The following TDRD9 variants were observed in gnomAD, a reference collection of about 807,000 sequenced individuals.
TDRD9 encodes the protein ATP-dependent RNA helicase TDRD9.
A neutral mutation model predicts 172.6 loss-of-function variants in TDRD9; 124 were observed. That is an observed-to-expected ratio of 0.72 (90% CI 0.62 to 0.83). TDRD9 has a LOEUF of 0.83. TDRD9 is among the 40% of genes least tolerant of loss of function. The pLI, the probability that TDRD9 is intolerant of heterozygous loss-of-function variation, is 0.00. For missense variants in TDRD9, 1,479 were observed against 1,714.1 expected, an observed-to-expected ratio of 0.86 and a Z score of 2.42; for synonymous variants, 619 against 617.1, an observed-to-expected ratio of 1.00 and a Z score of -0.05.
At chr14:103,945,196 G>T (rs538990193) in intron 1 of TDRD9, among the ~76,000 whole-genome samples, 97 of 152,332 alleles carry the variant, frequency 6.4e-4, no homozygotes, top group African/African-American at 2.3e-3. Context: ...GAGATTTAGA[G>T]ATCAATGAGC....
intron 15 of TDRD9, 68 bp downstream of exon 15, chr14:104,005,473 C>G: frequency 6.5e-7 from 1 of 1,529,126 alleles, no homozygotes; most frequent in Non-Finnish European, 9.0e-7. Flanking sequence ...CTCCCTCAGT[C>G]TGTGCCTCAC....
At chr14:104,018,359 A>G (rs2034855951) in intron 23 of TDRD9, among the ~76,000 whole-genome samples, 167 bp downstream of exon 23, 1 of 152,190 alleles carries the variant, frequency 6.6e-6, no homozygotes, top group Non-Finnish European at 1.5e-5. Flanking sequence ...GTCAGAAGCA[A>G]TTTGTCTTCT....
chr14:103,931,903 G>T (rs2030413422), intron 1 of TDRD9, among the ~76,000 whole-genome samples: 1 of 152,202 alleles, frequency 6.6e-6, no homozygotes, highest in Admixed American at 6.5e-5. Context: ...GAAAGCATGA[G>T]AATGGAATAT....
Position 104,020,985 on chromosome 14 carries a change from G to T in TDRD9, c.2433-1172G>T, listed in dbSNP as rs556105624. 5.3e-5 allele frequency among the ~76,000 whole-genome samples: 8 copies of T among 152,198 alleles called. 1 individual carries two copies. The South Asian group carries it at 1.5e-3, about 28-fold the overall frequency. On this transcript the variant is annotated intron_variant, in intron 23 of 35. Transcript: ENST00000409874. ...AGAGGGCATTTATCAATATTACTTG[G>T]TGTTTTATTCTGTTCTCTCGGTGCT...
intron 2 of TDRD9, among the ~76,000 whole-genome samples, chr14:103,961,241 C>G (rs1294988482): frequency 6.6e-6 from 1 of 152,166 alleles, no homozygotes; most frequent in Non-Finnish European, 1.5e-5. Context: ...AAGAAAATCC[C>G]TGTTTTAGTA....
intron 8 of TDRD9, among the ~76,000 whole-genome samples, chr14:103,986,987 A>T (rs931047828): frequency 6.6e-6 from 1 of 152,064 alleles, no homozygotes; most frequent in African/African-American, 2.4e-5. Flanking sequence ...GGTGGTGCGC[A>T]CCTGTAGTCC....
At chr14:104,007,103 A>T in intron 18 of TDRD9, 57 bp from the exon 19 acceptor site, 2 of 1,489,494 alleles carry the variant, frequency 1.3e-6, no homozygotes, top group Non-Finnish European at 1.8e-6. Flanking sequence ...AATTGTACTT[A>T]AAAAAAATTC....
At chr14:103,996,298 C>T (rs529713322) in intron 12 of TDRD9, among the ~76,000 whole-genome samples, 90 of 152,310 alleles carry the variant, frequency 5.9e-4, no homozygotes, top group African/African-American at 2.0e-3. Context: ...ACACATGTGT[C>T]GGGCACTGTT....
In TDRD9 at chr14:103,993,936, T is replaced by C. The variant is rs191759810; in HGVS notation, c.1181-396T>C. Among the ~76,000 whole-genome samples, 64 of 152,378 alleles carry C rather than the reference T, an allele frequency of 4.2e-4. 5 individuals are homozygous for C. The East Asian group carries it at 6.9e-3, about 17-fold the overall frequency. On this transcript the variant is annotated intron_variant, in intron 9 of 35. Coordinates refer to ENST00000409874, the MANE Select transcript of TDRD9 (RefSeq NM_153046.3). ...GCTTTCAGCAAACAGGACGGAGGCC[T>C]GATGGAAATGGTTTAGCACATCCTC... is the stretch of plus-strand genomic sequence containing the variant.
Position 104,049,649 on chromosome 14 carries a change from AG to A in TDRD9, c.4017del (p.Lys1339AsnfsTer86). The A allele has an allele frequency of 6.3e-7, 1 of 1,590,476 alleles. No homozygotes were observed. Among genetic ancestry groups the A allele is most frequent in the Non-Finnish European group, 8.6e-7 (1 of 1,168,414 alleles). On this transcript the variant is annotated frameshift_variant, in exon 35 of 36. Coordinates refer to ENST00000409874, the MANE Select transcript of TDRD9 (RefSeq NM_153046.3). LOFTEE classifies it high-confidence loss of function. ...AAACCAAGGGAGAAGATTGTTCCCA[AG>A]TGGCATGAAAAGCCCTACGAGTGGA... ...QSKPREKIVP[K>X]WHEKPYEWNQ...
chr14:104,012,761 A>G (rs925045915), intron 20 of TDRD9, among the ~76,000 whole-genome samples: 5 of 151,962 alleles, frequency 3.3e-5, no homozygotes, highest in African/African-American at 1.2e-4. Flanking sequence ...TTTTAGAGAC[A>G]GGGTCTTTGT....
intron 9 of TDRD9, among the ~76,000 whole-genome samples, chr14:103,993,560 G>A (rs2033951145): frequency 2.0e-5 from 3 of 152,148 alleles, no homozygotes; most frequent in Admixed American, 1.3e-4. Flanking sequence ...TGTCAGCAGG[G>A]CCATGCTCTT....
chr14:104,040,707 G>A (rs1175706215), intron 33 of TDRD9, among the ~76,000 whole-genome samples: 1 of 152,170 alleles, frequency 6.6e-6, no homozygotes, highest in Non-Finnish European at 1.5e-5. Context: ...GAGGACACAA[G>A]GTCCTGCCCC....
chr14:104,011,914 TA>T (rs973389759), intron 20 of TDRD9, among the ~76,000 whole-genome samples: 100 of 146,262 alleles, frequency 6.8e-4, no homozygotes, highest in East Asian at 1.8e-3. Context: ...CAGCAAAGGT[TA>T]AAAAAAAAAA....
chr14:103,981,860 G>T lies in TDRD9; in HGVS notation c.1012-4357G>T, dbSNP rs73354452. ...ATAAGTTAAATCATTGTAAATCAGG[G>T]ACAGTCTGTGTTAATTTTGAGCTTA... On this transcript the variant is annotated intron_variant, in intron 7 of 35. Transcript: ENST00000409874. 1.5e-3 allele frequency among the ~76,000 whole-genome samples: 224 copies of T among 152,248 alleles called. 2 individuals are homozygous for T. Among genetic ancestry groups the T allele is most frequent in the African/African-American group, 5.2e-3 (218 of 41,536 alleles).
Position 104,018,120 on chromosome 14 carries a change from T to G in TDRD9, c.2360T>G (p.Leu787Arg). Residue 787 changes from leucine to arginine, a missense_variant, in exon 23 of 36, where the codon CTT becomes CGT. This residue lies in a region of TDRD9 where 1,413 missense variants were observed against 1,649.1 expected (regional missense o/e 0.86). Transcript: ENST00000409874. ...VLKHIPPYGF[L>R]YYKQLQSLFR... ...AAACACATTCCTCCCTATGGATTTC[T>G]TTACTATAAACAACTACAGTCTCTC... 6.2e-7 allele frequency: 1 copy of G among 1,606,524 alleles called. No homozygotes were observed. Among genetic ancestry groups the G allele is most frequent in the Non-Finnish European group, 8.5e-7 (1 of 1,174,642 alleles).
chr14:103,995,411 A>G (rs994194557), intron 11 of TDRD9, among the ~76,000 whole-genome samples: 3 of 151,908 alleles, frequency 2.0e-5, no homozygotes, highest in Non-Finnish European at 4.4e-5. Context: ...ACAGGCAACA[A>G]CCCTTCTTCT....
intron 7 of TDRD9, among the ~76,000 whole-genome samples, chr14:103,982,052 G>T (rs1267066910): frequency 6.6e-6 from 1 of 152,248 alleles, no homozygotes; most frequent in Non-Finnish European, 1.5e-5. Flanking sequence ...ACTGTCTGCT[G>T]TTACAAGGGA....
intron 5 of TDRD9, among the ~76,000 whole-genome samples, chr14:103,969,884 G>T (rs1439115724): frequency 2.0e-5 from 3 of 152,090 alleles, no homozygotes; most frequent in African/African-American, 7.2e-5. Context: ...GTCTGAGGAG[G>T]GCTGCAAGGT....
Sources: allele counts gnomAD v4.1 joint callset (sites outside exome capture counted in the v4.1 genomes callset), GRCh38; gene constraint gnomAD v4.1.1; regional missense constraint gnomAD v4.1.1; transcripts MANE v1.5; gene names NCBI Gene and HGNC (gene_info 2026-07-23, HGNC 2026-07-21).